The following PTPRN2 variants were observed in gnomAD, a reference collection of about 807,000 sequenced individuals.
PTPRN2 encodes receptor-type tyrosine-protein phosphatase N2.
PTPRN2 carries 74 observed loss-of-function variants against 118.8 expected under a neutral mutation model. The observed-to-expected ratio is 0.62, with a 90% CI of 0.52 to 0.76. The LOEUF is 0.76. Among genes scored for constraint, PTPRN2 ranks in the 30% least tolerant of loss-of-function variants. The probability of loss-of-function intolerance (pLI) is 0.00; values close to 1 mark genes in which losing one functional copy is unlikely to be tolerated. For missense variants in PTPRN2, 1,481 were observed against 1,394.4 expected, an observed-to-expected ratio of 1.06 and a Z score of -0.99; for synonymous variants, 641 against 608.0, an observed-to-expected ratio of 1.05 and a Z score of -0.80.
At chr7:158,170,894 A>G (rs1823482610) in intron 5 of PTPRN2, among the ~76,000 whole-genome samples, 1 of 152,044 alleles carries the variant, frequency 6.6e-6, no homozygotes, top group Non-Finnish European at 1.5e-5. Context: ...TAATAATAAT[A>G]GTATCTGGCA....
At chr7:157,705,404 G>A (rs548884537) in intron 12 of PTPRN2, among the ~76,000 whole-genome samples, 2 of 152,328 alleles carry the variant, frequency 1.3e-5, no homozygotes, top group South Asian at 2.1e-4. Flanking sequence ...AGCAGGAGGC[G>A]AGGCAGGGTA....
intron 3 of PTPRN2, among the ~76,000 whole-genome samples, chr7:158,275,667 C>T (rs1407687871): frequency 1.3e-5 from 2 of 152,174 alleles, no homozygotes; most frequent in African/African-American, 4.8e-5. Flanking sequence ...AATTTTTGTT[C>T]TTTGGTGAGA....
intron 13 of PTPRN2, among the ~76,000 whole-genome samples, chr7:157,664,221 G>A (rs753914912): frequency 5.9e-5 from 9 of 152,252 alleles, no homozygotes; most frequent in Non-Finnish European, 1.0e-4. Context: ...CTTGCTGACC[G>A]CTGAGGCGAT....
chr7:158,125,466 ACTT>A (rs1463332129), intron 9 of PTPRN2, among the ~76,000 whole-genome samples: 5 of 151,590 alleles, frequency 3.3e-5, no homozygotes, highest in Non-Finnish European at 7.4e-5. Context: ...GTTTTTGTTT[ACTT>A]CTTCTTCCTC....
chr7:158,366,714 A>G (rs1656208785), intron 2 of PTPRN2, among the ~76,000 whole-genome samples: 1 of 151,850 alleles, frequency 6.6e-6, no homozygotes, highest in South Asian at 2.1e-4. Flanking sequence ...GACATTTTCA[A>G]TTTCTGAAAT....
rs1216319876 is a variant in PTPRN2, at chr7:157,609,243, C to T, written c.2345-5168G>A. Among the ~76,000 whole-genome samples, 1 of 151,976 alleles carries T rather than the reference C, an allele frequency of 6.6e-6. No homozygotes were observed. The highest frequency in any genetic ancestry group is 1.5e-5 in the Non-Finnish European group (1 of 68,008). Reference sequence around the variant, plus strand: ...ACTAAAAATACAAAAATTAGCCAGGCGTGGTGGTGGGCGGCTGTAATCCCA... The same window carrying T: ...ACTAAAAATACAAAAATTAGCCAGGTGTGGTGGTGGGCGGCTGTAATCCCA... On this transcript the variant is annotated intron_variant, in intron 15 of 22. Transcript: ENST00000389418. This position sits in a 1 kb window ranked among gnomAD's most constrained non-coding sequence, Gnocchi z 4.9.
chr7:158,471,770 T>G (rs1011503143), intron 2 of PTPRN2, among the ~76,000 whole-genome samples: 24 of 151,952 alleles, frequency 1.6e-4, no homozygotes, highest in African/African-American at 3.6e-4. Flanking sequence ...AAAGGAAAAC[T>G]CTCTACAAAT....
At chr7:158,326,329 G>T (rs144160020) in intron 2 of PTPRN2, among the ~76,000 whole-genome samples, 1 of 152,220 alleles carries the variant, frequency 6.6e-6, no homozygotes, top group Admixed American at 6.5e-5. Context: ...CCGAGACATC[G>T]CTCAGGAGCC....
rs777411917 is a variant in PTPRN2, at chr7:158,081,339, T to G, written c.1682A>C (p.Asn561Thr). ...GPAVTFKVSA[N>T]VQNVTTEDVE... is the part of the protein sequence containing the mutation. Reference sequence around the variant, plus strand: ...ATCCTCAGTGGTCACGTTTTGGACATTGGCGCTCACTTTGAAGGTCACTGC... The same window carrying G: ...ATCCTCAGTGGTCACGTTTTGGACAGTGGCGCTCACTTTGAAGGTCACTGC... The change falls in exon 11 of 23, where the codon AAT becomes ACT. Residue 561 changes from asparagine (N) to threonine (T), a missense_variant. This residue lies in a region of PTPRN2 where 1,115 missense variants were observed against 994.2 expected (regional missense o/e 1.12). Transcript: ENST00000389418. The G allele has an allele frequency of 6.2e-7, 1 of 1,614,196 alleles. No individual in the cohort carries two copies. Among genetic ancestry groups the G allele is most frequent in the South Asian group, 1.1e-5 (1 of 91,084 alleles).
intron 5 of PTPRN2, among the ~76,000 whole-genome samples, chr7:158,186,825 A>G (rs1408173387): frequency 6.6e-6 from 1 of 152,266 alleles, no homozygotes; most frequent in Non-Finnish European, 1.5e-5. Context: ...CTACCCAGCA[A>G]AACTGTAAAA....
At chr7:158,552,971 C>T (rs1826759497) in intron 1 of PTPRN2, among the ~76,000 whole-genome samples, 1 of 152,010 alleles carries the variant, frequency 6.6e-6, no homozygotes, top group South Asian at 2.1e-4. Context: ...TTCCCATGTA[C>T]ACACACAGGC....
intron 1 of PTPRN2, among the ~76,000 whole-genome samples, chr7:158,524,441 ACCCTGGAGCGGAGTCTG>A (rs1453493844): frequency 0.19 from 10,478 of 55,644 alleles, 1,006 homozygotes; most frequent in East Asian, 0.28. Flanking sequence ...GGAGTCGTCT[ACCCTGGAGCGGAGTCTG>A]CCCTGGAGCG....
Position 158,133,719 on chromosome 7 carries a change from G to A in PTPRN2, c.1514C>T (p.Pro505Leu), listed in dbSNP as rs1019468871. The change falls in exon 9 of 23, where the codon CCT becomes CTT. Residue 505 changes from proline (P) to leucine (L), a missense_variant. Coordinates refer to ENST00000389418, the MANE Select transcript of PTPRN2 (RefSeq NM_002847.5). ...GTAGCCCCGCGCCTCTTCCTCGGAAGGCTGGACCTCCAATTGCAGGCCGTC... is the reference window on the plus strand; with the variant it reads ...GTAGCCCCGCGCCTCTTCCTCGGAAAGCTGGACCTCCAATTGCAGGCCGTC... ...LSDGLQLEVQ[P>L]SEEEARGYIV... The A allele has an allele frequency of 1.2e-6, 2 of 1,609,926 alleles. No individual in the cohort carries two copies. Among genetic ancestry groups the A allele is most frequent in the Non-Finnish European group, 1.7e-6 (2 of 1,177,792 alleles).
chr7:157,787,720 T>C lies in PTPRN2; in HGVS notation c.1789-104783A>G, dbSNP rs144643392. Among the ~76,000 whole-genome samples, 683 of 152,178 alleles carry C rather than the reference T, an allele frequency of 4.5e-3. 8 individuals are homozygous for C. Among genetic ancestry groups the C allele is most frequent in the African/African-American group, 0.016 (649 of 41,522 alleles). Reference sequence around the variant, plus strand: ...GGTGTTTGAGCTGGTGCCATCTGGGTCCCCTGGGGTGGTGGCTGGGTGAGC... The same window carrying C: ...GGTGTTTGAGCTGGTGCCATCTGGGCCCCCTGGGGTGGTGGCTGGGTGAGC... On this transcript the variant is annotated intron_variant, in intron 12 of 22. Transcript: ENST00000389418. This position sits in a 1 kb window ranked among gnomAD's most constrained non-coding sequence, Gnocchi z 5.3.
chr7:158,428,627 T>C (rs1586653630), intron 2 of PTPRN2, among the ~76,000 whole-genome samples: 1 of 152,190 alleles, frequency 6.6e-6, no homozygotes, highest in Non-Finnish European at 1.5e-5. Flanking sequence ...GCAAGGTATC[T>C]GTCACAGAGT....
intron 1 of PTPRN2, among the ~76,000 whole-genome samples, chr7:158,582,056 G>A (rs1207667897): frequency 6.6e-6 from 1 of 152,202 alleles, no homozygotes; most frequent in African/African-American, 2.4e-5. Flanking sequence ...AGAAAAAAAT[G>A]CCCTTCCTTC....
At chr7:158,259,727 T>C (rs1362199777) in intron 3 of PTPRN2, among the ~76,000 whole-genome samples, 2 of 148,550 alleles carry the variant, frequency 1.3e-5, no homozygotes, top group East Asian at 4.2e-4. Context: ...GTATGTGTGT[T>C]TGTGTGTCCA....
rs201361026 is a variant in PTPRN2 at position 158,194,140 on chromosome 7, TGTAA to T, written c.381-1649_381-1646del. 7.5e-3 allele frequency among the ~76,000 whole-genome samples: 1,112 copies of T among 148,456 alleles called. 17 individuals carry two copies. Among genetic ancestry groups the T allele is most frequent in the African/African-American group, 0.027 (1,035 of 38,138 alleles). On this transcript the variant is annotated intron_variant, in intron 4 of 22. Coordinates refer to ENST00000389418, the MANE Select transcript of PTPRN2 (RefSeq NM_002847.5). ...GCGCGCATGTGCGTGTGTGAGTTTG[TGTAA>T]GTGTGTGTGTGAGTGTGTGAGGGGT... is the stretch of plus-strand genomic sequence containing the variant.
intron 3 of PTPRN2, among the ~76,000 whole-genome samples, chr7:158,285,152 G>A (rs964718249): frequency 6.6e-6 from 1 of 152,144 alleles, no homozygotes; most frequent in African/African-American, 2.4e-5. Context: ...CCCAGGCTTT[G>A]GGCCATGCTG....
Sources: allele counts gnomAD v4.1 joint callset (sites outside exome capture counted in the v4.1 genomes callset), GRCh38; gene constraint gnomAD v4.1.1; regional missense constraint gnomAD v4.1.1; non-coding constraint Gnocchi (gnomAD v3.1); transcripts MANE v1.5; gene names NCBI Gene and HGNC (gene_info 2026-07-23, HGNC 2026-07-21).